ELF5: variants seen among roughly 807,000 people sequenced by gnomAD.
The protein encoded by ELF5 is ETS-related transcription factor Elf-5.
In ELF5, 31 loss-of-function variants were observed where a neutral mutation model predicts 38.2. The ratio of observed to expected loss-of-function variants is 0.81; its 90% CI spans 0.61 to 1.10. The LOEUF is 1.10. Ranked by LOEUF, ELF5 falls within the 50% of genes least tolerant of loss-of-function variation. The pLI, the probability that ELF5 is intolerant of heterozygous loss-of-function variation, is 0.00. For missense variants in ELF5, 300 were observed against 306.6 expected (o/e 0.98, Z 0.16); for synonymous variants, 121 against 112.5 (o/e 1.08, Z -0.48).
In ELF5 at chr11:34,505,350, C is replaced by G. The variant is rs562738284; in HGVS notation, c.121+279G>C. On this transcript the variant is annotated intron_variant, in intron 2 of 6. Transcript: ENST00000257832. ...TAAATATCATAATAACTCCAAGAGA[C>G]GTACATTTTACTTGGCAGCAAAACG... Among the ~76,000 whole-genome samples the G allele has an allele frequency of 2.0e-5, 3 of 152,312 alleles. No individual in the cohort carries two copies. The South Asian group carries it at 6.2e-4, about 32-fold the overall frequency.
chr11:34,501,898 G>A (rs1025960965), intron 2 of ELF5, among the ~76,000 whole-genome samples: 7 of 152,286 alleles, frequency 4.6e-5, no homozygotes, highest in African/African-American at 1.7e-4. Flanking sequence ...CATTTGTCTA[G>A]AAGGCACATC....
chr11:34,493,254 CTCT>C, intron 3 of ELF5: 3 of 603,136 alleles, frequency 5.0e-6, no homozygotes, highest in Non-Finnish European at 8.8e-6. Flanking sequence ...GTTTTTCTTT[CTCT>C]TTTTTTAAAT....
chr11:34,509,956 T>C (rs1446991092), intron 1 of ELF5, among the ~76,000 whole-genome samples: 1 of 152,152 alleles, frequency 6.6e-6, no homozygotes, highest in African/African-American at 2.4e-5. Flanking sequence ...ATCTTCCTCA[T>C]CTATGCCTCA....
chr11:34,497,391 G>T (rs7126085), intron 2 of ELF5, among the ~76,000 whole-genome samples: 20,061 of 152,190 alleles, frequency 0.13, 1,473 homozygotes, highest in Admixed American at 0.21. Context: ...AGCAGGCTCT[G>T]CCAGCTCCTT....
At chr11:34,481,934 A>G (rs1300928066) in intron 5 of ELF5, among the ~76,000 whole-genome samples, 2 of 152,228 alleles carry the variant, frequency 1.3e-5, no homozygotes, top group Non-Finnish European at 2.9e-5. Flanking sequence ...TTCTACACAC[A>G]CATTTGTGAA....
chr11:34,481,053 T>A, intron 5 of ELF5, 86 bp from the exon 6 acceptor site: 4 of 1,103,488 alleles, frequency 3.6e-6, no homozygotes, highest in Non-Finnish European at 4.8e-6. Context: ...GACAGAGTCT[T>A]GCTCTGTCGC....
At chr11:34,513,031 C>T (rs1451387581) in intron 1 of ELF5, among the ~76,000 whole-genome samples, 1 of 152,176 alleles carries the variant, frequency 6.6e-6, no homozygotes. Flanking sequence ...TGCTACCTGT[C>T]GCTGTCAGCA....
rs1233490874 is a variant in ELF5, at chr11:34,493,645, G to C, written c.189C>G (p.Leu63=). The C allele has an allele frequency of 6.2e-7, 1 of 1,614,214 alleles. No homozygotes were observed. Among genetic ancestry groups the C allele is most frequent in the African/African-American group, 1.3e-5 (1 of 75,054 alleles). ...YWTKRHVWEW[L]QFCCDQYKLD... ...ACTTGTACTGGTCGCAGCAGAACTGGAGCCACTCCCACACATGGCGCTTAG... is the reference window on the plus strand; with the variant it reads ...ACTTGTACTGGTCGCAGCAGAACTGCAGCCACTCCCACACATGGCGCTTAG... The change falls in exon 3 of 7, where the codon CTC becomes CTG. Residue 63 remains leucine, a synonymous_variant. Transcript: ENST00000257832.
chr11:34,504,266 T>C (rs1850548981), intron 2 of ELF5, among the ~76,000 whole-genome samples: 1 of 152,254 alleles, frequency 6.6e-6, no homozygotes, highest in South Asian at 2.1e-4. Flanking sequence ...GGAGACACAG[T>C]ACATTTCTCA....
At chr11:34,496,187 C>A (rs764568331) in intron 2 of ELF5, among the ~76,000 whole-genome samples, 1 of 152,238 alleles carries the variant, frequency 6.6e-6, no homozygotes, top group East Asian at 1.9e-4. Context: ...GGCCCCACAC[C>A]GGGGAGGTGT....
At chr11:34,507,098 A>C (rs1590343027) in intron 1 of ELF5, among the ~76,000 whole-genome samples, 2 of 152,220 alleles carry the variant, frequency 1.3e-5, no homozygotes, top group East Asian at 3.8e-4. Flanking sequence ...CTTATGATGC[A>C]GTGCAGAAAT....
In ELF5 at chr11:34,507,725, G is replaced by A. The variant is rs139019254; in HGVS notation, c.-4-1972C>T. Reference sequence around the variant, plus strand: ...GTGGATTAAAACAATCTGTTCACCCGAATTCTTTTTTCTGATTCTTGAAAT... The same window carrying A: ...GTGGATTAAAACAATCTGTTCACCCAAATTCTTTTTTCTGATTCTTGAAAT... On this transcript the variant is annotated intron_variant, in intron 1 of 6. Coordinates refer to ENST00000257832, the MANE Select transcript of ELF5 (RefSeq NM_001422.4). Among the ~76,000 whole-genome samples the A allele has an allele frequency of 4.4e-3, 669 of 152,306 alleles. 7 individuals carry two copies. The highest frequency in any genetic ancestry group is 0.015 in the African/African-American group (641 of 41,552).
intron 2 of ELF5, among the ~76,000 whole-genome samples, chr11:34,504,400 CGT>C (rs71674477): frequency 5.3e-5 from 8 of 151,598 alleles, no homozygotes; most frequent in Admixed American, 3.3e-4. Flanking sequence ...TTCACATGTG[CGT>C]GTGTGTGTGT....
chr11:34,484,821 A>G (rs1849944795), intron 4 of ELF5, among the ~76,000 whole-genome samples: 1 of 152,070 alleles, frequency 6.6e-6, no homozygotes, highest in Non-Finnish European at 1.5e-5. Flanking sequence ...AAATGGTTCC[A>G]TTGAGGCAAG....
At chr11:34,498,564 A>G (rs949320761) in intron 2 of ELF5, among the ~76,000 whole-genome samples, 2 of 152,228 alleles carry the variant, frequency 1.3e-5, no homozygotes, top group African/African-American at 4.8e-5. Flanking sequence ...GTGACTTTGT[A>G]AAATTCTTAA....
At position 34,485,132 on chromosome 11, in the gene ELF5, C is replaced by G. The variant is rs1849954142; in HGVS notation, c.407-2633G>C. 2.0e-5 allele frequency among the ~76,000 whole-genome samples: 3 copies of G among 152,138 alleles called. No individual in the cohort carries two copies. The South Asian group carries it at 6.2e-4, about 32-fold the overall frequency. On this transcript the variant is annotated intron_variant, in intron 4 of 6. Coordinates refer to ENST00000257832, the MANE Select transcript of ELF5 (RefSeq NM_001422.4). Reference sequence around the variant, plus strand: ...ATCTCATTTCAAACTTATAACAACCCTGGGTGATACTATTATGATTTTCAT... The same window carrying G: ...ATCTCATTTCAAACTTATAACAACCGTGGGTGATACTATTATGATTTTCAT...
chr11:34,503,961 C>T (rs1263279777), intron 2 of ELF5, among the ~76,000 whole-genome samples: 3 of 152,180 alleles, frequency 2.0e-5, no homozygotes, highest in African/African-American at 7.2e-5. Context: ...ATTTGGGACA[C>T]ACCAGGTCTT....
intron 1 of ELF5, among the ~76,000 whole-genome samples, chr11:34,509,460 G>T (rs191335563): frequency 3.3e-5 from 5 of 152,306 alleles, no homozygotes; most frequent in South Asian, 2.1e-4. Flanking sequence ...ACTCTGCTGG[G>T]AAGTCTCTTT....
At chr11:34,480,403 G>A in intron 6 of ELF5, 89 bp from the exon 7 acceptor site, 1 of 1,049,710 alleles carries the variant, frequency 9.5e-7, no homozygotes, top group Non-Finnish European at 1.5e-6. Flanking sequence ...ATTCCTCTCA[G>A]GTGACAAGGC....
Sources: allele counts gnomAD v4.1 joint callset (sites outside exome capture counted in the v4.1 genomes callset), GRCh38; gene constraint gnomAD v4.1.1; transcripts MANE v1.5; gene names NCBI Gene and HGNC (gene_info 2026-07-23, HGNC 2026-07-21).